The following INSR variants were observed in gnomAD, a reference collection of about 807,000 sequenced individuals.
INSR encodes the protein insulin receptor, also known as IR.
A neutral mutation model predicts 142.6 loss-of-function variants in INSR; 67 were observed. The ratio of observed to expected loss-of-function variants is 0.47; its 90% CI spans 0.39 to 0.58. INSR has a LOEUF of 0.58. Ranked by LOEUF, INSR falls within the 20% of genes least tolerant of loss-of-function variation. The probability of loss-of-function intolerance (pLI) is 0.00; values close to 1 mark genes in which losing one functional copy is unlikely to be tolerated. For missense variants in INSR, 1,248 were observed against 1,833.2 expected (o/e 0.68, Z 5.83); for synonymous variants, 756 against 743.1 (o/e 1.02, Z -0.28).
chr19:7,216,925 C>T lies in INSR; in HGVS notation c.653-32288G>A, dbSNP rs922633632. On this transcript the variant is annotated intron_variant, in intron 2 of 21. Transcript: ENST00000302850. The surrounding 1 kb of genome is among the most constrained non-coding windows in gnomAD (Gnocchi z 4.2). ...CTCCTGGGCTCAAGCAATCCTCCCA[C>T]CTCAACCTCCCAAGTAGCTGGGAAT... 2.0e-5 allele frequency among the ~76,000 whole-genome samples: 3 copies of T among 152,104 alleles called. No homozygotes were observed. Among genetic ancestry groups the T allele is most frequent in the African/African-American group, 7.2e-5 (3 of 41,406 alleles).
At chr19:7,277,936 A>G (rs1968109605) in intron 1 of INSR, among the ~76,000 whole-genome samples, 1 of 151,908 alleles carries the variant, frequency 6.6e-6, no homozygotes, top group Admixed American at 6.6e-5. Flanking sequence ...TACTAAAAAT[A>G]CAAAAAAATT....
At chr19:7,206,052 A>G (rs1228144273) in intron 2 of INSR, among the ~76,000 whole-genome samples, 1 of 152,194 alleles carries the variant, frequency 6.6e-6, no homozygotes, top group Non-Finnish European at 1.5e-5. Context: ...GACGGGAACC[A>G]TCGAAGTACC....
At chr19:7,256,450 C>CGAAA (rs1568222453) in intron 2 of INSR, among the ~76,000 whole-genome samples, 2 of 151,412 alleles carry the variant, frequency 1.3e-5, no homozygotes, top group Non-Finnish European at 2.9e-5. Flanking sequence ...CTCCATCTCA[C>CGAAA]TAAATAAATA....
Position 7,288,597 on chromosome 19 carries a change from C to A in INSR, c.100+5195G>T, listed in dbSNP as rs1282921542. Among the ~76,000 whole-genome samples the A allele has an allele frequency of 4.0e-5, 6 of 149,540 alleles. 1 individual carries two copies. In the East Asian group the frequency reaches 1.2e-3, roughly 29 times the overall value. ...GAGGCTGCAGTAAGCTAGGACTAAA[C>A]CTCTGCACTCCAGCCTGGGTGACAG... On this transcript the variant is annotated intron_variant, in intron 1 of 21. Transcript: ENST00000302850.
chr19:7,221,030 T>C (rs1445280277), intron 2 of INSR, among the ~76,000 whole-genome samples: 1 of 152,128 alleles, frequency 6.6e-6, no homozygotes, highest in Non-Finnish European at 1.5e-5. Context: ...TCCCTCGCCA[T>C]GTGATGCCCT....
chr19:7,154,291 C>A (rs8104049), intron 9 of INSR, among the ~76,000 whole-genome samples: 7,822 of 149,064 alleles, frequency 0.052, 562 homozygotes, highest in African/African-American at 0.16. Context: ...TGGCAAAAAA[C>A]CACAATTACT....
intron 12 of INSR, 74 bp from the exon 13 acceptor site, chr19:7,141,890 G>A: frequency 8.2e-7 from 1 of 1,214,576 alleles, no homozygotes; most frequent in South Asian, 1.2e-5. Context: ...TGTCCATGGT[G>A]CAACCTTGGG....
intron 2 of INSR, among the ~76,000 whole-genome samples, chr19:7,242,300 T>G (rs549819750): frequency 6.6e-6 from 1 of 152,206 alleles, no homozygotes; most frequent in South Asian, 2.1e-4. Context: ...GCCCAGGAGT[T>G]TGAGGCTGTG....
In INSR at chr19:7,177,977, T is replaced by C. The variant is rs546611590; in HGVS notation, c.975-3246A>G. 3.9e-5 allele frequency among the ~76,000 whole-genome samples: 6 copies of C among 152,168 alleles called. No individual in the cohort carries two copies. The East Asian group carries it at 9.7e-4, about 25-fold the overall frequency. On this transcript the variant is annotated intron_variant, in intron 3 of 21. Transcript: ENST00000302850. ...TTGTGATGAGGAACTCAATGAAGCA[T>C]ACCACAAAAGCACTTCGCACACAGA... is the stretch of plus-strand genomic sequence containing the variant.
intron 2 of INSR, among the ~76,000 whole-genome samples, chr19:7,195,153 A>G (rs745745116): frequency 2.6e-5 from 4 of 152,212 alleles, no homozygotes; most frequent in Non-Finnish European, 5.9e-5. Context: ...GCCTTACGGG[A>G]AATGTATTTC....
At chr19:7,265,052 G>C (rs1967679073) in intron 2 of INSR, among the ~76,000 whole-genome samples, 1 of 152,104 alleles carries the variant, frequency 6.6e-6, no homozygotes, top group Admixed American at 6.6e-5. Flanking sequence ...TCTATCTTTT[G>C]TGATACAACC....
chr19:7,197,516 G>GTGTGGGTGTGTGTGTGTGTGT (rs1568480264), intron 2 of INSR, among the ~76,000 whole-genome samples: 2 of 70,856 alleles, frequency 2.8e-5, no homozygotes, highest in Non-Finnish European at 5.6e-5. Context: ...TGGGAGTGGG[G>GTGTGGGTGTGTGTGTGTGTGT]GTGTGTGTGT....
chr19:7,262,642 A>G (rs574832917), intron 2 of INSR, among the ~76,000 whole-genome samples: 4 of 152,208 alleles, frequency 2.6e-5, no homozygotes, highest in Non-Finnish European at 4.4e-5. Context: ...TGCTCCCTCC[A>G]TACAATGGAA....
chr19:7,222,924 T>C (rs1343694312), intron 2 of INSR, among the ~76,000 whole-genome samples: 1 of 152,182 alleles, frequency 6.6e-6, no homozygotes, highest in African/African-American at 2.4e-5. Context: ...GGCTCATGCC[T>C]GTAATGCCAG....
At chr19:7,241,481 G>T (rs531893868) in intron 2 of INSR, among the ~76,000 whole-genome samples, 1 of 152,080 alleles carries the variant, frequency 6.6e-6, no homozygotes, top group Non-Finnish European at 1.5e-5. Flanking sequence ...ACTTTGCCAG[G>T]CATAGTGGCG....
In INSR at chr19:7,293,806, A is replaced by T; in HGVS notation, c.86T>A (p.Leu29Gln). Residue 29 changes from leucine (L) to glutamine (Q), a missense_variant, in exon 1 of 22, where the codon CTG (leucine) becomes CAG (glutamine). Transcript: ENST00000302850. ...CCCAGACTCACCCTCTCCGGGGTAC[A>T]GGTGGCCCGCGGCGCCCAGTAGCAG... ...AALLLGAAGH[L>Q]YPGEVCPGMD... 2 of 1,337,766 alleles carry T rather than the reference A, an allele frequency of 1.5e-6. No individual in the cohort carries two copies. Among genetic ancestry groups the T allele is most frequent in the Non-Finnish European group, 9.6e-7 (1 of 1,038,430 alleles). The allele number at this position is 1,337,766 out of a possible 1,614,324, so 82.9% of individuals were successfully genotyped here.
chr19:7,286,115 G>T (rs1968339062), intron 1 of INSR, among the ~76,000 whole-genome samples: 1 of 152,006 alleles, frequency 6.6e-6, no homozygotes, highest in African/African-American at 2.4e-5. Flanking sequence ...TAGTAGCTGG[G>T]ACCACAGGTG....
At chr19:7,209,167 A>G (rs147735724) in intron 2 of INSR, among the ~76,000 whole-genome samples, 1 of 152,252 alleles carries the variant, frequency 6.6e-6, no homozygotes, top group African/African-American at 2.4e-5. Context: ...CTCTAAATAA[A>G]TAAATAAAAT....
At chr19:7,135,864 A>T (rs758809802) in intron 13 of INSR, among the ~76,000 whole-genome samples, 3 of 151,526 alleles carry the variant, frequency 2.0e-5, no homozygotes, top group Non-Finnish European at 2.9e-5. Flanking sequence ...GATACTCAAG[A>T]GGCTGAGGGA....
Sources: allele counts gnomAD v4.1 joint callset (sites outside exome capture counted in the v4.1 genomes callset), GRCh38; gene constraint gnomAD v4.1.1; non-coding constraint Gnocchi (gnomAD v3.1); transcripts MANE v1.5; gene names NCBI Gene and HGNC (gene_info 2026-07-23, HGNC 2026-07-21).